ZNF804B: variants seen among roughly 807,000 people sequenced by gnomAD.
The protein encoded by ZNF804B is zinc finger protein 804B, also known as zinc finger 804B.
In ZNF804B, 80 loss-of-function variants were observed where a neutral mutation model predicts 101.4. The ratio of observed to expected loss-of-function variants is 0.79; its 90% CI spans 0.66 to 0.95. The LOEUF (loss-of-function observed/expected upper bound fraction) is 0.95, where lower values mean the gene tolerates loss of function less well. Among genes scored for constraint, ZNF804B ranks in the 40% least tolerant of loss-of-function variants. The pLI is 0.00. For missense variants in ZNF804B, 1,673 were observed against 1,561.9 expected, an observed-to-expected ratio of 1.07 and a Z score of -1.20; for synonymous variants, 622 against 558.8, an observed-to-expected ratio of 1.11 and a Z score of -1.59.
chr7:89,050,776 A>T (rs1430125624), intron 1 of ZNF804B, among the ~76,000 whole-genome samples: 1 of 152,164 alleles, frequency 6.6e-6, no homozygotes, highest in Non-Finnish European at 1.5e-5. Context: ...AAGTGAAATG[A>T]TAGAGATGAA....
At chr7:89,267,067 A>G (rs2115828022) in intron 2 of ZNF804B, among the ~76,000 whole-genome samples, 1 of 152,254 alleles carries the variant, frequency 6.6e-6, no homozygotes, top group Non-Finnish European at 1.5e-5. Flanking sequence ...GATTTGACCA[A>G]CTGGTTATTT....
chr7:88,787,273 T>C (rs1790316428), intron 1 of ZNF804B, among the ~76,000 whole-genome samples: 2 of 152,152 alleles, frequency 1.3e-5, no homozygotes, highest in African/African-American at 4.8e-5. Flanking sequence ...ATTTTGCTTT[T>C]TATCCTGAAG....
chr7:89,302,914 A>T (rs1313880780), intron 2 of ZNF804B, among the ~76,000 whole-genome samples: 1 of 151,920 alleles, frequency 6.6e-6, no homozygotes, highest in African/African-American at 2.4e-5. Context: ...AGAATTTAAC[A>T]CAATACTATT....
intron 1 of ZNF804B, among the ~76,000 whole-genome samples, chr7:89,175,322 A>C (rs918177952): frequency 6.6e-6 from 1 of 152,008 alleles, no homozygotes; most frequent in Non-Finnish European, 1.5e-5. Flanking sequence ...AGCACCATTT[A>C]TTGAAGACTG....
At chr7:89,080,672 C>T (rs1789683017) in intron 1 of ZNF804B, among the ~76,000 whole-genome samples, 1 of 151,956 alleles carries the variant, frequency 6.6e-6, no homozygotes, top group South Asian at 2.1e-4. Flanking sequence ...GTCCCTTTCA[C>T]TGGTGAACAT....
intron 1 of ZNF804B, among the ~76,000 whole-genome samples, chr7:88,834,663 T>C (rs1245262808): frequency 8.7e-6 from 1 of 115,120 alleles, no homozygotes; most frequent in Non-Finnish European, 1.7e-5. Flanking sequence ...GTATATATTT[T>C]ACTATATATA....
intron 2 of ZNF804B, among the ~76,000 whole-genome samples, chr7:89,308,195 A>G (rs1562942044): frequency 6.6e-6 from 1 of 152,092 alleles, no homozygotes; most frequent in Non-Finnish European, 1.5e-5. Flanking sequence ...CAGTACCTTC[A>G]TGCAAAAATA....
chr7:89,247,503 C>A (rs1363904825), intron 2 of ZNF804B, among the ~76,000 whole-genome samples: 2 of 152,018 alleles, frequency 1.3e-5, no homozygotes, highest in African/African-American at 4.8e-5. Flanking sequence ...AAAACCAAAA[C>A]AACCTACCCA....
intron 1 of ZNF804B, among the ~76,000 whole-genome samples, chr7:89,016,925 G>A (rs957301458): frequency 7.2e-5 from 11 of 152,122 alleles, no homozygotes; most frequent in African/African-American, 2.7e-4. Context: ...AATTACCTTG[G>A]CATTATGGCC....
chr7:88,976,410 T>C (rs1793616611), intron 1 of ZNF804B, among the ~76,000 whole-genome samples: 1 of 151,842 alleles, frequency 6.6e-6, no homozygotes, highest in African/African-American at 2.4e-5. Flanking sequence ...ATTTTTTGTG[T>C]CCTCTTCAAT....
At position 89,221,174 on chromosome 7, in the gene ZNF804B, T is replaced by C. The variant is rs537440245; in HGVS notation, c.249+2879T>C. Among the ~76,000 whole-genome samples, 7 of 152,140 alleles carry C rather than the reference T, an allele frequency of 4.6e-5. No homozygotes were observed. The South Asian group carries it at 1.4e-3, about 31-fold the overall frequency. ...CTAATGATTTCGTAGACATCAATGA[T>C]CATTTGCTCAAATATCTTTATTTGT... On this transcript the variant is annotated intron_variant, in intron 2 of 3. Transcript: ENST00000333190.
intron 1 of ZNF804B, among the ~76,000 whole-genome samples, chr7:88,816,753 G>A (rs1369107180): frequency 7.1e-6 from 1 of 139,982 alleles, no homozygotes; most frequent in African/African-American, 2.7e-5. Flanking sequence ...GAGAGGATGT[G>A]GAGAAATAGG....
intron 1 of ZNF804B, among the ~76,000 whole-genome samples, chr7:89,113,246 T>C (rs1236575904): frequency 6.6e-6 from 1 of 152,186 alleles, no homozygotes; most frequent in African/African-American, 2.4e-5. Context: ...TAACATAGCA[T>C]GAAGATAGTT....
chr7:88,842,662 A>C (rs1326703915), intron 1 of ZNF804B, among the ~76,000 whole-genome samples: 1 of 152,330 alleles, frequency 6.6e-6, no homozygotes, highest in Non-Finnish European at 1.5e-5. Context: ...GGAAACTAAG[A>C]CTTTTCAACA....
intron 1 of ZNF804B, among the ~76,000 whole-genome samples, chr7:88,888,004 T>G (rs1792158197): frequency 6.6e-6 from 1 of 152,226 alleles, no homozygotes; most frequent in Admixed American, 6.5e-5. Flanking sequence ...ACTTTTTTAC[T>G]GGCTCTATAG....
chr7:88,918,805 A>G (rs1326219780), intron 1 of ZNF804B, among the ~76,000 whole-genome samples: 2 of 152,144 alleles, frequency 1.3e-5, no homozygotes, highest in Non-Finnish European at 2.9e-5. Context: ...CTGATTCTAT[A>G]ATAAAATGAC....
intron 1 of ZNF804B, among the ~76,000 whole-genome samples, chr7:89,192,251 T>C (rs1200534783): frequency 6.6e-6 from 1 of 152,074 alleles, no homozygotes; most frequent in Admixed American, 6.6e-5. Context: ...AATGCCTTTT[T>C]AAAATTCCTT....
At chr7:89,257,362 C>T (rs1040050871) in intron 2 of ZNF804B, among the ~76,000 whole-genome samples, 2 of 152,018 alleles carry the variant, frequency 1.3e-5, no homozygotes, top group African/African-American at 2.4e-5. Context: ...TTATAATGCA[C>T]TAGAAAGAAT....
At chr7:89,172,186 A>C (rs1219340430) in intron 1 of ZNF804B, among the ~76,000 whole-genome samples, 2 of 152,122 alleles carry the variant, frequency 1.3e-5, no homozygotes, top group East Asian at 1.9e-4. Context: ...AACAGAGAAC[A>C]TTCTAGAATA....
Sources: allele counts gnomAD v4.1 joint callset (sites outside exome capture counted in the v4.1 genomes callset), GRCh38; gene constraint gnomAD v4.1.1; transcripts MANE v1.5; gene names NCBI Gene and HGNC (gene_info 2026-07-23, HGNC 2026-07-21).